GNAI1: variants seen among roughly 807,000 people sequenced by gnomAD.
The protein encoded by GNAI1 is G protein subunit alpha i1, also known as guanine nucleotide-binding protein G(i) subunit alpha-1.
GNAI1 carries 11 observed loss-of-function variants against 38.9 expected under a neutral mutation model. That is an observed-to-expected ratio of 0.28 (90% CI 0.18 to 0.47). GNAI1 has a LOEUF of 0.47. Among genes scored for constraint, GNAI1 ranks in the 20% least tolerant of loss-of-function variants. GNAI1 has a pLI of 0.99. For missense variants in GNAI1, 317 were observed against 436.9 expected (o/e 0.73, Z 2.45); for synonymous variants, 166 against 145.1 (o/e 1.14, Z -1.04).
At chr7:80,192,724 T>G (rs1030954322) in intron 3 of GNAI1, among the ~76,000 whole-genome samples, 1 of 152,082 alleles carries the variant, frequency 6.6e-6, no homozygotes, top group Admixed American at 6.6e-5. Flanking sequence ...GAAATGGAGT[T>G]TTGCTCTTGT....
rs191503009 is a variant in GNAI1, at chr7:80,215,701, A to G, written c.875-1602A>G. Among the ~76,000 whole-genome samples, 4 of 152,352 alleles carry G rather than the reference A, an allele frequency of 2.6e-5. No individual in the cohort carries two copies. The East Asian group carries it at 5.8e-4, about 22-fold the overall frequency. ...TTAGGAGATTCAGCACTGAAAAAGA[A>G]TTTAAGACTCTATAAAGCAATATAA... On this transcript the variant is annotated intron_variant, in intron 7 of 7. Coordinates refer to ENST00000649796, the MANE Select transcript of GNAI1 (RefSeq NM_002069.6).
chr7:80,217,246 T>TAGGTATGAAACTGAA, intron 7 of GNAI1, 57 bp from the exon 8 acceptor site: 3 of 1,152,020 alleles, frequency 2.6e-6, no homozygotes, highest in Non-Finnish European at 3.7e-6. Flanking sequence ...GAATTCAGTA[T>TAGGTATGAAACTGAA]TTTAAGCAGT....
chr7:80,195,683 T>A (rs1252979552), intron 3 of GNAI1, among the ~76,000 whole-genome samples: 1 of 151,956 alleles, frequency 6.6e-6, no homozygotes, highest in Non-Finnish European at 1.5e-5. Flanking sequence ...ATTACCATAT[T>A]ATTTAGCTTC....
chr7:80,139,445 T>C (rs1162824110), intron 1 of GNAI1, among the ~76,000 whole-genome samples: 9 of 152,206 alleles, frequency 5.9e-5, no homozygotes, highest in Admixed American at 5.2e-4. Flanking sequence ...AAACAGAAAC[T>C]GTTGGCACAT....
At chr7:80,165,161 G>C (rs945085465) in intron 1 of GNAI1, among the ~76,000 whole-genome samples, 2 of 152,028 alleles carry the variant, frequency 1.3e-5, no homozygotes, top group African/African-American at 2.4e-5. Flanking sequence ...TTCATCTCTG[G>C]AGGGACTTTT....
At chr7:80,162,165 G>A (rs902652530) in intron 1 of GNAI1, among the ~76,000 whole-genome samples, 9 of 152,086 alleles carry the variant, frequency 5.9e-5, no homozygotes, top group African/African-American at 2.2e-4. Flanking sequence ...GCAAGTAAGT[G>A]ACTGGCTGTA....
chr7:80,158,267 T>C (rs761039065), intron 1 of GNAI1, among the ~76,000 whole-genome samples: 56 of 152,244 alleles, frequency 3.7e-4, no homozygotes, highest in Non-Finnish European at 6.6e-4. Context: ...AATAATTTGC[T>C]GGCTAATTCC....
Position 80,135,131 on chromosome 7 carries a change from G to T in GNAI1, c.-30G>T. On this transcript the variant is annotated 5_prime_UTR_variant, in exon 1 of 8. Transcript: ENST00000649796. ...TGGAGCCCGCACTCGGGCGCGGAGG[G>T]AGCGGCGGCAGGCTCTCGCTTTCGG... 1 of 1,428,152 alleles carries T rather than the reference G, an allele frequency of 7.0e-7. No homozygotes were observed. The highest frequency in any genetic ancestry group is 2.3e-5 in the Admixed American group (1 of 44,166). 88.5% of individuals were successfully genotyped at this position (1,428,152 alleles called of 1,614,324 possible).
chr7:80,215,467 A>G (rs1562845930), intron 7 of GNAI1, among the ~76,000 whole-genome samples: 1 of 152,226 alleles, frequency 6.6e-6, no homozygotes, highest in Non-Finnish European at 1.5e-5. Flanking sequence ...TTCTAGTGAT[A>G]TAAAAGAGTT....
At chr7:80,197,831 A>C (rs541004281) in intron 3 of GNAI1, among the ~76,000 whole-genome samples, 23 of 152,280 alleles carry the variant, frequency 1.5e-4, no homozygotes, top group African/African-American at 4.8e-4. Flanking sequence ...AATTGGCAAC[A>C]GCATGAATTT....
At chr7:80,150,269 AATT>A (rs1787700593) in intron 1 of GNAI1, among the ~76,000 whole-genome samples, 1 of 152,196 alleles carries the variant, frequency 6.6e-6, no homozygotes. Flanking sequence ...AAAAGAACTA[AATT>A]ATTAATCATC....
rs915898062 is a variant in GNAI1 at position 80,221,108 on chromosome 7, T to C, written c.*3615T>C. Reference sequence around the variant, plus strand: ...AGCATCATCATTGCTTAGTGTGTTATGTTGGAAGTAGAAAGTGATGGTGAA... The same window carrying C: ...AGCATCATCATTGCTTAGTGTGTTACGTTGGAAGTAGAAAGTGATGGTGAA... On this transcript the variant is annotated 3_prime_UTR_variant, in exon 8 of 8. Coordinates refer to ENST00000649796, the MANE Select transcript of GNAI1 (RefSeq NM_002069.6). 2.6e-5 allele frequency among the ~76,000 whole-genome samples: 4 copies of C among 152,298 alleles called. No homozygotes were observed. Among genetic ancestry groups the C allele is most frequent in the Non-Finnish European group, 5.9e-5 (4 of 68,020 alleles).
At chr7:80,199,153 G>C (rs1788635096) in intron 3 of GNAI1, 72 bp from the exon 4 acceptor site, 1 of 1,038,536 alleles carries the variant, frequency 9.6e-7, no homozygotes, top group East Asian at 2.6e-5. Context: ...TTTAACTCTA[G>C]AATTGTCTCC....
intron 1 of GNAI1, 44 bp downstream of exon 1, chr7:80,135,322 G>A (rs943488032): frequency 8.6e-7 from 1 of 1,166,100 alleles, no homozygotes; most frequent in Non-Finnish European, 1.1e-6. Context: ...CGGGGGACCG[G>A]GTGCGGCGCT....
At chr7:80,217,236 G>A (rs964259250) in intron 7 of GNAI1, 67 bp from the exon 8 acceptor site, 7 of 1,046,512 alleles carry the variant, frequency 6.7e-6, no homozygotes, top group South Asian at 1.7e-5. Context: ...GTATGAAACT[G>A]AATTCAGTAT....
intron 4 of GNAI1, among the ~76,000 whole-genome samples, chr7:80,201,702 T>G: frequency 6.6e-6 from 1 of 152,078 alleles, no homozygotes. Context: ...CCAGCCTGGG[T>G]GACAGAGCAA....
At chr7:80,182,088 T>C (rs1309653099) in intron 1 of GNAI1, among the ~76,000 whole-genome samples, 2 of 152,188 alleles carry the variant, frequency 1.3e-5, no homozygotes, top group Admixed American at 6.5e-5. Flanking sequence ...GCTGTTTCTA[T>C]GAGTCTGACT....
At chr7:80,179,946 G>A (rs960074481) in intron 1 of GNAI1, among the ~76,000 whole-genome samples, 10 of 151,978 alleles carry the variant, frequency 6.6e-5, no homozygotes, top group South Asian at 2.1e-4. Flanking sequence ...ATTTTTTGCC[G>A]TAGAAGGAGA....
chr7:80,177,396 A>G (rs1363726538), intron 1 of GNAI1, among the ~76,000 whole-genome samples: 6 of 152,142 alleles, frequency 3.9e-5, no homozygotes, highest in African/African-American at 1.4e-4. Context: ...TACTGCACAT[A>G]TATAAAGATT....
Sources: allele counts gnomAD v4.1 joint callset (sites outside exome capture counted in the v4.1 genomes callset), GRCh38; gene constraint gnomAD v4.1.1; transcripts MANE v1.5; gene names NCBI Gene and HGNC (gene_info 2026-07-23, HGNC 2026-07-21).